Variants in ARHGAP24 observed in about 807,000 individuals in gnomAD.
The protein encoded by ARHGAP24 is rho GTPase-activating protein 24.
ARHGAP24 carries 50 observed loss-of-function variants against 76.4 expected under a neutral mutation model. The ratio of observed to expected loss-of-function variants is 0.65; its 90% CI spans 0.52 to 0.83. The LOEUF (loss-of-function observed/expected upper bound fraction) is 0.83, where lower values mean the gene tolerates loss of function less well. ARHGAP24 is among the 40% of genes least tolerant of loss of function. The pLI is 0.00. For missense variants in ARHGAP24, 930 were observed against 914.2 expected, an observed-to-expected ratio of 1.02 and a Z score of -0.22; for synonymous variants, 345 against 323.3, an observed-to-expected ratio of 1.07 and a Z score of -0.72.
chr4:85,833,453 C>T (rs887280050), intron 3 of ARHGAP24, among the ~76,000 whole-genome samples: 2 of 151,866 alleles, frequency 1.3e-5, no homozygotes, highest in South Asian at 2.1e-4. Context: ...CATGACCTCC[C>T]GTACTGTTTC....
In ARHGAP24 at chr4:85,972,028, C is replaced by G; in HGVS notation, c.600-8C>G. 2 of 1,613,970 alleles carry G rather than the reference C, an allele frequency of 1.2e-6. No individual in the cohort carries two copies. The highest frequency in any genetic ancestry group is 3.3e-5 in the Admixed American group (2 of 60,012). On this transcript the variant is annotated splice_polypyrimidine_tract_variant and splice_region_variant and intron_variant, in intron 5 of 9. Coordinates refer to ENST00000395184, the MANE Select transcript of ARHGAP24 (RefSeq NM_001025616.3). ...CCAAAGAATATCTTCACACTTCTGTCTCCACAGCAACACAGATGTACACAC... is the reference window on the plus strand; with the variant it reads ...CCAAAGAATATCTTCACACTTCTGTGTCCACAGCAACACAGATGTACACAC...
intron 3 of ARHGAP24, among the ~76,000 whole-genome samples, chr4:85,908,653 A>C (rs545666024): frequency 6.6e-5 from 10 of 152,310 alleles, no homozygotes; most frequent in African/African-American, 2.4e-4. Flanking sequence ...TGATTCTAAT[A>C]ATAGTGAAGG....
At chr4:85,899,393 G>A (rs1048089411) in intron 3 of ARHGAP24, among the ~76,000 whole-genome samples, 1 of 152,260 alleles carries the variant, frequency 6.6e-6, no homozygotes, top group Admixed American at 6.5e-5. Context: ...GTACCTTTTA[G>A]ATCCTAGTGT....
At chr4:85,949,080 A>G (rs140308131) in intron 5 of ARHGAP24, among the ~76,000 whole-genome samples, 1 of 152,314 alleles carries the variant, frequency 6.6e-6, no homozygotes, top group East Asian at 1.9e-4. Flanking sequence ...CTACATTCCA[A>G]GTTGCCGCAG....
intron 3 of ARHGAP24, among the ~76,000 whole-genome samples, chr4:85,822,131 A>G (rs1729500124): frequency 1.3e-5 from 2 of 152,138 alleles, no homozygotes; most frequent in South Asian, 4.1e-4. Flanking sequence ...CCATATATGC[A>G]TGTTAGGAAA....
Position 85,680,024 on chromosome 4 carries a change from C to T in ARHGAP24, c.181-41861C>T, listed in dbSNP as rs72656223. 2.7e-3 allele frequency among the ~76,000 whole-genome samples: 409 copies of T among 152,214 alleles called. 3 individuals carry two copies. The highest frequency in any genetic ancestry group is 4.9e-3 in the Non-Finnish European group (333 of 68,008). On this transcript the variant is annotated intron_variant, in intron 2 of 9. Transcript: ENST00000395184. The stretch of plus-strand genomic sequence containing the variant: ...TTTCCTCTCTGCTTCTACCTCCCTT[C>T]GAGGAGAAGAGAAGATCCTTTTAGA...
chr4:85,810,963 G>T (rs1728989982), intron 3 of ARHGAP24, among the ~76,000 whole-genome samples: 1 of 152,104 alleles, frequency 6.6e-6, no homozygotes, highest in South Asian at 2.1e-4. Flanking sequence ...GAACCTGATG[G>T]CTCATGACCT....
At chr4:85,808,984 T>G (rs1650201821) in intron 3 of ARHGAP24, among the ~76,000 whole-genome samples, 1 of 152,198 alleles carries the variant, frequency 6.6e-6, no homozygotes, top group African/African-American at 2.4e-5. Flanking sequence ...CAGAATTGTT[T>G]ACACAATTCC....
chr4:85,557,999 G>A (rs4693706), intron 1 of ARHGAP24, among the ~76,000 whole-genome samples: 129,076 of 152,174 alleles, frequency 0.85, 56,254 homozygotes, highest in East Asian at 0.98. Context: ...TCTGCATAGC[G>A]TCATTTTACA....
chr4:85,956,715 G>A (rs940477306), intron 5 of ARHGAP24, among the ~76,000 whole-genome samples: 3 of 152,162 alleles, frequency 2.0e-5, no homozygotes, highest in African/African-American at 4.8e-5. Flanking sequence ...CCTTTAGCCC[G>A]ATCGGGAGGG....
intron 9 of ARHGAP24, among the ~76,000 whole-genome samples, chr4:85,998,390 C>T (rs1740805602): frequency 6.6e-6 from 1 of 151,984 alleles, no homozygotes; most frequent in Admixed American, 6.5e-5. Flanking sequence ...TTAATATTGT[C>T]CTACCATCTT....
chr4:85,945,302 C>T (rs560525506), intron 5 of ARHGAP24, among the ~76,000 whole-genome samples: 1 of 152,096 alleles, frequency 6.6e-6, no homozygotes, highest in South Asian at 2.1e-4. Context: ...GCCACCATGC[C>T]TGACTATTTT....
In ARHGAP24 at chr4:85,873,129, G is replaced by A. The variant is rs80236073; in HGVS notation, c.269-50519G>A. Among the ~76,000 whole-genome samples, 35 of 152,196 alleles carry A rather than the reference G, an allele frequency of 2.3e-4. 1 individual carries two copies. In the East Asian group the frequency reaches 6.0e-3, roughly 26 times the overall value. On this transcript the variant is annotated intron_variant, in intron 3 of 9. Coordinates refer to ENST00000395184, the MANE Select transcript of ARHGAP24 (RefSeq NM_001025616.3). Reference sequence around the variant, plus strand: ...CCTACTCCTTACTGGCAGCATGAGGGAGTCCAGAATATGGACTTGCAAGTT... The same window carrying A: ...CCTACTCCTTACTGGCAGCATGAGGAAGTCCAGAATATGGACTTGCAAGTT...
chr4:85,598,814 C>G (rs1719932420), intron 2 of ARHGAP24, among the ~76,000 whole-genome samples: 1 of 150,366 alleles, frequency 6.7e-6, no homozygotes, highest in African/African-American at 2.4e-5. Flanking sequence ...CTATCTAACT[C>G]AAGTTGCCTA....
chr4:85,522,424 A>T (rs1163345005), intron 1 of ARHGAP24, among the ~76,000 whole-genome samples: 1 of 152,166 alleles, frequency 6.6e-6, no homozygotes, highest in Non-Finnish European at 1.5e-5. Flanking sequence ...TACTCTCCAC[A>T]CATTGTACAA....
chr4:85,810,619 A>C (rs754804818), intron 3 of ARHGAP24, among the ~76,000 whole-genome samples: 2 of 152,102 alleles, frequency 1.3e-5, no homozygotes, highest in Non-Finnish European at 2.9e-5. Context: ...TTTGTCCTCA[A>C]ATGTCTCATC....
chr4:85,725,827 G>T (rs7697448), intron 3 of ARHGAP24, among the ~76,000 whole-genome samples: 1 of 152,196 alleles, frequency 6.6e-6, no homozygotes, highest in Non-Finnish European at 1.5e-5. Flanking sequence ...GGAAATGCAG[G>T]CTGTTCCACT....
At chr4:85,559,374 T>C (rs1396390457) in intron 1 of ARHGAP24, among the ~76,000 whole-genome samples, 1 of 152,220 alleles carries the variant, frequency 6.6e-6, no homozygotes, top group African/African-American at 2.4e-5. Context: ...ATTGAACAAA[T>C]TAACATAAAC....
At chr4:85,964,754 G>C (rs2665876) in intron 5 of ARHGAP24, among the ~76,000 whole-genome samples, 99,566 of 152,020 alleles carry the variant, frequency 0.65, 33,867 homozygotes, top group African/African-American at 0.83. Flanking sequence ...GCACCAAACT[G>C]GGATTGCTCA....
Sources: gnomAD v4.1 joint callset for allele counts (sites outside exome capture counted in the v4.1 genomes callset) on GRCh38, gnomAD v4.1.1 for gene constraint, MANE v1.5 for transcripts, NCBI Gene and HGNC (gene_info 2026-07-23, HGNC 2026-07-21) for gene names.